The following MYT1L variants were observed in gnomAD, a reference collection of about 807,000 sequenced individuals.
MYT1L encodes myelin transcription factor 1 like.
A neutral mutation model predicts 126.7 loss-of-function variants in MYT1L; 12 were observed. That is an observed-to-expected ratio of 0.09 (90% CI 0.06 to 0.15). The LOEUF (loss-of-function observed/expected upper bound fraction) is 0.15. Ranked by LOEUF, MYT1L falls within the 10% of genes least tolerant of loss-of-function variation. The pLI, the probability that MYT1L is intolerant of heterozygous loss-of-function variation, is 1.00. For missense variants in MYT1L, 979 were observed against 1,585.2 expected, an observed-to-expected ratio of 0.62 and a Z score of 6.49; for synonymous variants, 541 against 604.2, an observed-to-expected ratio of 0.90 and a Z score of 1.53.
intron 3 of MYT1L, among the ~76,000 whole-genome samples, chr2:2,154,706 G>C (rs1446068361): frequency 6.6e-6 from 1 of 152,202 alleles, no homozygotes; most frequent in Non-Finnish European, 1.5e-5. Context: ...AGGGAGAGGA[G>C]CAGGAAAAAT....
chr2:1,842,551 G>A (rs2041881454), intron 19 of MYT1L: 1 of 152,236 alleles, frequency 6.6e-6, no homozygotes, highest in Non-Finnish European at 1.5e-5. Flanking sequence ...TTAAAGGAGG[G>A]AATCTGGAAA....
chr2:1,946,366 C>T (rs919088489), intron 8 of MYT1L, among the ~76,000 whole-genome samples: 2 of 152,104 alleles, frequency 1.3e-5, no homozygotes, highest in African/African-American at 4.8e-5. Context: ...GAATTACATC[C>T]TCTCCACCCC....
At chr2:2,190,475 T>C (rs1329549222) in intron 2 of MYT1L, among the ~76,000 whole-genome samples, 1 of 150,712 alleles carries the variant, frequency 6.6e-6, no homozygotes, top group Non-Finnish European at 1.5e-5. Flanking sequence ...TTCCCAGCCT[T>C]TAGACTTCCT....
At chr2:2,259,719 G>T (rs1322425568) in intron 2 of MYT1L, among the ~76,000 whole-genome samples, 1 of 152,138 alleles carries the variant, frequency 6.6e-6, no homozygotes, top group Non-Finnish European at 1.5e-5. Flanking sequence ...AATCCCCCTG[G>T]GATGGATGTC....
At chr2:2,021,384 TA>T (rs1352509098) in intron 4 of MYT1L, among the ~76,000 whole-genome samples, 1 of 152,164 alleles carries the variant, frequency 6.6e-6, no homozygotes, top group African/African-American at 2.4e-5. Flanking sequence ...AGGAGGCTTT[TA>T]AAGGGTTTAT....
At chr2:2,152,012 C>T (rs1234297282) in intron 3 of MYT1L, among the ~76,000 whole-genome samples, 8 of 152,142 alleles carry the variant, frequency 5.3e-5, no homozygotes, top group African/African-American at 1.7e-4. Context: ...GCCGAGATCG[C>T]GCCACCACAC....
chr2:1,988,314 C>T (rs1298552643), intron 5 of MYT1L, among the ~76,000 whole-genome samples: 1 of 152,218 alleles, frequency 6.6e-6, no homozygotes, highest in East Asian at 1.9e-4. Context: ...GCAGGGCTGC[C>T]TGACCATGCT....
chr2:2,043,644 C>T (rs1163191128), intron 4 of MYT1L, among the ~76,000 whole-genome samples: 2 of 152,188 alleles, frequency 1.3e-5, no homozygotes, highest in African/African-American at 4.8e-5. Context: ...ATGTCTTACT[C>T]ATGGGTGACT....
chr2:2,177,287 T>A (rs761139290), intron 2 of MYT1L, among the ~76,000 whole-genome samples: 8 of 152,236 alleles, frequency 5.3e-5, no homozygotes, highest in Non-Finnish European at 1.0e-4. Flanking sequence ...TATGCATAGA[T>A]ACCTGCATAA....
At chr2:2,251,891 G>A (rs1427945992) in intron 2 of MYT1L, among the ~76,000 whole-genome samples, 3 of 144,590 alleles carry the variant, frequency 2.1e-5, no homozygotes, top group Admixed American at 7.0e-5. Context: ...AAAGAAGAAC[G>A]AAAAGAAAGA....
At chr2:1,871,385 C>A (rs1436968646) in intron 18 of MYT1L, among the ~76,000 whole-genome samples, 1 of 152,250 alleles carries the variant, frequency 6.6e-6, no homozygotes, top group Non-Finnish European at 1.5e-5. Flanking sequence ...CCTATCTCTG[C>A]TCCTCAGTTC....
In MYT1L at chr2:2,217,714, A is replaced by C. The variant is rs895096117; in HGVS notation, c.-420-44726T>G. 9.6e-5 allele frequency among the ~76,000 whole-genome samples: 14 copies of C among 145,976 alleles called. 1 individual carries two copies. The highest frequency in any genetic ancestry group is 6.6e-4 in the South Asian group (3 of 4,544). On this transcript the variant is annotated intron_variant, in intron 2 of 24. Coordinates refer to ENST00000647738, the MANE Select transcript of MYT1L (RefSeq NM_001303052.2). ...AACAACAACAACAACAACAAAAAAA[A>C]AAAAAGAAAGAAGGAAAAAGAAAAG...
rs530090979 is a variant in MYT1L at position 2,091,051 on chromosome 2, T to C, written c.-303-36928A>G. Among the ~76,000 whole-genome samples, 48 of 152,314 alleles carry C rather than the reference T, an allele frequency of 3.2e-4. No homozygotes were observed. The South Asian group carries it at 9.3e-3, about 30-fold the overall frequency. The stretch of plus-strand genomic sequence containing the variant: ...GTGAACTTAAAATCATCTATGAGCA[T>C]TGGAATCAACTTCTCCAACCTTCTG... On this transcript the variant is annotated intron_variant, in intron 3 of 24. Coordinates refer to ENST00000647738, the MANE Select transcript of MYT1L (RefSeq NM_001303052.2).
At chr2:1,891,683 A>G (rs2048899075) in intron 15 of MYT1L, among the ~76,000 whole-genome samples, 1 of 152,086 alleles carries the variant, frequency 6.6e-6, no homozygotes, top group African/African-American at 2.4e-5. Context: ...AAGGAGACCC[A>G]CGCTTCGTTT....
chr2:1,824,667 G>A (rs950757804), intron 21 of MYT1L: 3 of 152,336 alleles, frequency 2.0e-5, no homozygotes, highest in Non-Finnish European at 4.4e-5. Flanking sequence ...TCCGTGCAGC[G>A]AGTTGTCGAG....
chr2:2,171,846 T>C (rs566265499), intron 3 of MYT1L, among the ~76,000 whole-genome samples: 1 of 152,278 alleles, frequency 6.6e-6, no homozygotes, highest in South Asian at 2.1e-4. Flanking sequence ...TCCCAGCCTC[T>C]AATTTCTGTG....
chr2:2,169,455 C>T (rs759918987), intron 3 of MYT1L, among the ~76,000 whole-genome samples: 8 of 152,136 alleles, frequency 5.3e-5, no homozygotes, highest in Non-Finnish European at 8.8e-5. Context: ...GATTCACATG[C>T]CAAATAAGAT....
At chr2:1,864,012 C>A (rs746153423) in intron 18 of MYT1L, among the ~76,000 whole-genome samples, 1 of 152,202 alleles carries the variant, frequency 6.6e-6, no homozygotes. Flanking sequence ...AGGAGCATCA[C>A]AAGGTGGCTG....
intron 2 of MYT1L, among the ~76,000 whole-genome samples, chr2:2,198,516 A>G (rs1215824212): frequency 1.3e-5 from 2 of 152,204 alleles, no homozygotes; most frequent in Non-Finnish European, 2.9e-5. Flanking sequence ...ACGCATTGAC[A>G]CATCACACTG....
Sources: gnomAD v4.1 joint callset for allele counts (sites outside exome capture counted in the v4.1 genomes callset) on GRCh38, gnomAD v4.1.1 for gene constraint, MANE v1.5 for transcripts, NCBI Gene and HGNC (gene_info 2026-07-23, HGNC 2026-07-21) for gene names.